Variants in FNDC3B observed in about 807,000 individuals in gnomAD.
FNDC3B encodes fibronectin type III domain-containing protein 3B.
Under a neutral mutation model 151.5 loss-of-function variants are expected in FNDC3B, and 12 were observed. The ratio of observed to expected loss-of-function variants is 0.08; its 90% CI spans 0.05 to 0.13. The LOEUF (loss-of-function observed/expected upper bound fraction) is 0.13, where lower values mean the gene tolerates loss of function less well. Ranked by LOEUF, FNDC3B falls within the 10% of genes least tolerant of loss-of-function variation. The pLI is 1.00. For synonymous variants in FNDC3B, 528 were observed against 549.0 expected (o/e 0.96, Z 0.54); for missense variants, 1,214 against 1,505.3 (o/e 0.81, Z 3.20).
At chr3:172,179,758 C>T (rs1490421517) in intron 3 of FNDC3B, among the ~76,000 whole-genome samples, 1 of 150,606 alleles carries the variant, frequency 6.6e-6, no homozygotes, top group Non-Finnish European at 1.5e-5. Flanking sequence ...TGGCGACTGC[C>T]TGTAGACTGA....
At chr3:172,072,013 G>C (rs73879902) in intron 1 of FNDC3B, among the ~76,000 whole-genome samples, 9,519 of 151,432 alleles carry the variant, frequency 0.063, 1,004 homozygotes, top group African/African-American at 0.22. Context: ...CTCTGCTGGA[G>C]TGCCTCCTTT....
chr3:172,297,143 AT>A (rs951524641), intron 8 of FNDC3B, among the ~76,000 whole-genome samples: 6 of 152,120 alleles, frequency 3.9e-5, no homozygotes, highest in Non-Finnish European at 5.9e-5. Flanking sequence ...GATTCTTTGA[AT>A]TTTTTTTCAA....
chr3:172,073,614 G>A (rs762181068), intron 1 of FNDC3B, among the ~76,000 whole-genome samples: 1 of 152,180 alleles, frequency 6.6e-6, no homozygotes, highest in Non-Finnish European at 1.5e-5. Context: ...GTTGTGATGA[G>A]TGAGTTCCCG....
chr3:172,394,711 G>A (rs148328784), intron 25 of FNDC3B, among the ~76,000 whole-genome samples: 6 of 152,096 alleles, frequency 3.9e-5, no homozygotes, highest in African/African-American at 1.4e-4. Context: ...AATGAGGAGG[G>A]AATACTTCCA....
chr3:172,259,223 A>T (rs2108786836), intron 6 of FNDC3B, among the ~76,000 whole-genome samples: 1 of 152,352 alleles, frequency 6.6e-6, no homozygotes, highest in South Asian at 2.1e-4. Context: ...AAGTAAAAAT[A>T]GTCCAAACAA....
At chr3:172,161,669 A>T (rs1007117271) in intron 3 of FNDC3B, among the ~76,000 whole-genome samples, 2 of 152,226 alleles carry the variant, frequency 1.3e-5, no homozygotes, top group Non-Finnish European at 2.9e-5. Context: ...TGTGGTAGTG[A>T]TCACCTGTAA....
At chr3:172,254,654 G>T (rs1232255467) in intron 6 of FNDC3B, among the ~76,000 whole-genome samples, 3 of 152,084 alleles carry the variant, frequency 2.0e-5, no homozygotes, top group Non-Finnish European at 4.4e-5. Context: ...ACAAAGTGTT[G>T]CATTGCTCAA....
In FNDC3B at chr3:172,398,119, A is replaced by C. The variant is rs1207873561; in HGVS notation, c.*644A>C. 1 of 152,684 alleles carries C rather than the reference A, an allele frequency of 6.5e-6. No homozygotes were observed. Among genetic ancestry groups the C allele is most frequent in the Non-Finnish European group, 1.5e-5 (1 of 68,050 alleles). 9.5% of individuals were successfully genotyped at this position (152,684 alleles called of 1,614,324 possible). A position where few individuals can be genotyped will look rare whatever the true frequency, so the allele number is the denominator to read the frequency against. On this transcript the variant is annotated 3_prime_UTR_variant, in exon 26 of 26. Coordinates refer to ENST00000415807, the MANE Select transcript of FNDC3B (RefSeq NM_022763.4). ...TAACACTATGAGCTGCCTGTATAAGAAATCAAGTAACCAGAATGCACCTAT... is the reference window on the plus strand; with the variant it reads ...TAACACTATGAGCTGCCTGTATAAGCAATCAAGTAACCAGAATGCACCTAT...
intron 1 of FNDC3B, among the ~76,000 whole-genome samples, chr3:172,067,798 T>G (rs1717573139): frequency 6.6e-6 from 1 of 152,250 alleles, no homozygotes; most frequent in African/African-American, 2.4e-5. Context: ...TTTGTAGACC[T>G]AGGGAAACCA....
At chr3:172,093,490 C>G (rs1319934671) in intron 1 of FNDC3B, among the ~76,000 whole-genome samples, 1 of 151,548 alleles carries the variant, frequency 6.6e-6, no homozygotes, top group Non-Finnish European at 1.5e-5. Flanking sequence ...GATCTCCTGA[C>G]CTCGTGATCC....
intron 3 of FNDC3B, among the ~76,000 whole-genome samples, chr3:172,137,809 T>C (rs11718188): frequency 0.085 from 12,912 of 152,224 alleles, 718 homozygotes; most frequent in South Asian, 0.21. Context: ...CCAAAAAAGG[T>C]CATAGTTTAT....
chr3:172,284,433 G>A (rs544674281), intron 6 of FNDC3B, among the ~76,000 whole-genome samples: 46 of 152,222 alleles, frequency 3.0e-4, no homozygotes, highest in Admixed American at 6.5e-4. Flanking sequence ...AAGACCAGAA[G>A]TAAGCAAGGG....
At chr3:172,377,947 A>G (rs139850536) in intron 23 of FNDC3B, among the ~76,000 whole-genome samples, 1 of 152,352 alleles carries the variant, frequency 6.6e-6, no homozygotes, top group East Asian at 1.9e-4. Flanking sequence ...GATTATAGAT[A>G]TTAGCATTAT....
intron 1 of FNDC3B, among the ~76,000 whole-genome samples, chr3:172,110,383 G>A (rs1719899378): frequency 1.3e-5 from 2 of 152,046 alleles, no homozygotes; most frequent in South Asian, 4.1e-4. Context: ...GGACCACATG[G>A]AGTATAGACA....
At chr3:172,328,096 T>C (rs930732551) in intron 11 of FNDC3B, among the ~76,000 whole-genome samples, 3 of 152,240 alleles carry the variant, frequency 2.0e-5, no homozygotes, top group Non-Finnish European at 4.4e-5. Context: ...TTTTCCTTAC[T>C]TGTTGAACCT....
chr3:172,153,170 CTTTTCCAAATGTGAAT>C (rs370756996), intron 3 of FNDC3B, among the ~76,000 whole-genome samples: 11 of 152,180 alleles, frequency 7.2e-5, no homozygotes, highest in African/African-American at 2.7e-4. Flanking sequence ...TTGTGGCAGC[CTTTTCCAAATGTGAAT>C]TTGGATACAG....
intron 1 of FNDC3B, among the ~76,000 whole-genome samples, chr3:172,094,813 G>C (rs1311040662): frequency 6.6e-6 from 1 of 151,470 alleles, no homozygotes; most frequent in East Asian, 1.9e-4. Context: ...TCTGTGAGCG[G>C]GTGTGTAGTG....
At chr3:172,311,450 A>G (rs1057161735) in intron 11 of FNDC3B, among the ~76,000 whole-genome samples, 2 of 151,978 alleles carry the variant, frequency 1.3e-5, no homozygotes, top group African/African-American at 4.8e-5. Context: ...TCTACGGTGG[A>G]GTGTCCTTAT....
At chr3:172,047,509 G>A (rs964749217) in intron 1 of FNDC3B, among the ~76,000 whole-genome samples, 1 of 152,118 alleles carries the variant, frequency 6.6e-6, no homozygotes, top group Admixed American at 6.5e-5. Context: ...AGCACCTTGG[G>A]AAAATCAATT....
Sources: allele counts gnomAD v4.1 joint callset (sites outside exome capture counted in the v4.1 genomes callset), GRCh38; gene constraint gnomAD v4.1.1; transcripts MANE v1.5; gene names NCBI Gene and HGNC (gene_info 2026-07-23, HGNC 2026-07-21).